Variants in PPP2R2D observed in about 807,000 individuals in gnomAD.
PPP2R2D encodes protein phosphatase 2 regulatory subunit Bdelta, also known as serine/threonine-protein phosphatase 2A 55 kDa regulatory subunit B delta isoform.
A neutral mutation model predicts 31.1 loss-of-function variants in PPP2R2D; 9 were observed. That is an observed-to-expected ratio of 0.29 (90% CI 0.17 to 0.51). PPP2R2D has a LOEUF of 0.51. Among genes scored for constraint, PPP2R2D ranks in the 20% least tolerant of loss-of-function variants. The pLI, the probability that PPP2R2D is intolerant of heterozygous loss-of-function variation, is 0.98. For synonymous variants in PPP2R2D, 179 were observed against 172.6 expected (o/e 1.04, Z -0.29); for missense variants, 391 against 465.6 (o/e 0.84, Z 1.48).
At chr10:131,928,579 G>T (rs978584841) in intron 2 of PPP2R2D, among the ~76,000 whole-genome samples, 1 of 152,186 alleles carries the variant, frequency 6.6e-6, no homozygotes, top group Non-Finnish European at 1.5e-5. Flanking sequence ...GCTTCCTCCC[G>T]CTGCTTTCTG....
At chr10:131,951,678 G>A (rs376738878) in intron 8 of PPP2R2D, among the ~76,000 whole-genome samples, 4 of 152,190 alleles carry the variant, frequency 2.6e-5, no homozygotes, top group East Asian at 1.9e-4. Context: ...AAAATTAGCC[G>A]GACATGGTGG....
intron 3 of PPP2R2D, chr10:131,934,958 G>A (rs1554896265): frequency 2.2e-6 from 1 of 456,228 alleles, no homozygotes; most frequent in Non-Finnish European, 4.4e-6. Context: ...AGCACTTCCT[G>A]CAGAGAAGTC....
chr10:131,915,877 G>A (rs115845597), intron 2 of PPP2R2D, among the ~76,000 whole-genome samples: 360 of 152,254 alleles, frequency 2.4e-3, no homozygotes, highest in African/African-American at 8.0e-3. Context: ...ATAGAGCCCC[G>A]GTTAAGTTCA....
At chr10:131,928,561 T>G (rs959990570) in intron 2 of PPP2R2D, among the ~76,000 whole-genome samples, 2 of 152,208 alleles carry the variant, frequency 1.3e-5, no homozygotes, top group African/African-American at 4.8e-5. Flanking sequence ...TCTTTATGCT[T>G]TTCAAGAGCT....
At chr10:131,965,079 C>A in the PPP2R2D span, among the ~76,000 whole-genome samples, 1 of 152,084 alleles carries the variant, frequency 6.6e-6, no homozygotes, top group Non-Finnish European at 1.5e-5. Flanking sequence ...GTATTTTGTC[C>A]TCCCATTTGC....
At chr10:131,921,304 A>C (rs370731573) in intron 2 of PPP2R2D, among the ~76,000 whole-genome samples, 6 of 152,182 alleles carry the variant, frequency 3.9e-5, no homozygotes. Context: ...TCCCAGCCTC[A>C]CTTTGCAGGT....
At chr10:131,965,232 C>T in the PPP2R2D span, among the ~76,000 whole-genome samples, 57 of 152,250 alleles carry the variant, frequency 3.7e-4, no homozygotes, top group Middle Eastern at 0.01. Context: ...GACCAGGCCT[C>T]TCTACTGAGC....
intron 2 of PPP2R2D, among the ~76,000 whole-genome samples, chr10:131,914,716 AC>A (rs2035746837): frequency 6.6e-6 from 1 of 152,184 alleles, no homozygotes; most frequent in South Asian, 2.1e-4. Context: ...AAGAACGGTG[AC>A]CCCAGGCGAA....
chr10:131,941,818 T>A (rs928920045), intron 5 of PPP2R2D, among the ~76,000 whole-genome samples: 1 of 152,006 alleles, frequency 6.6e-6, no homozygotes, highest in Non-Finnish European at 1.5e-5. Flanking sequence ...TCAGGAGGAG[T>A]GTCCTCAGAC....
chr10:131,925,954 T>G lies in PPP2R2D; in HGVS notation c.101-8504T>G, dbSNP rs971699258. Among the ~76,000 whole-genome samples the G allele has an allele frequency of 9.2e-5, 14 of 152,222 alleles. 1 individual carries two copies. On this transcript the variant is annotated intron_variant, in intron 2 of 8. Coordinates refer to ENST00000455566, the MANE Select transcript of PPP2R2D (RefSeq NM_018461.5). Reference sequence around the variant, plus strand: ...TCAGCGCACACACAGGCCCTTAGTCTGAGCCACTCCATGTTGATTTATTTC... The same window carrying G: ...TCAGCGCACACACAGGCCCTTAGTCGGAGCCACTCCATGTTGATTTATTTC...
rs141667196 is a variant in PPP2R2D, at chr10:131,923,211, G to A, written c.101-11247G>A. 8.5e-5 allele frequency among the ~76,000 whole-genome samples: 13 copies of A among 152,254 alleles called. No individual in the cohort carries two copies. In the East Asian group the frequency reaches 1.5e-3, roughly 18 times the overall value. On this transcript the variant is annotated intron_variant, in intron 2 of 8. Coordinates refer to ENST00000455566, the MANE Select transcript of PPP2R2D (RefSeq NM_018461.5). ...TGTTTCTGTGGATTTGCCTGTTCAC[G>A]TGTCATGTAAATGGAGTCATGGCCC...
chr10:131,908,460 T>C (rs1249480947), intron 2 of PPP2R2D, among the ~76,000 whole-genome samples: 1 of 152,220 alleles, frequency 6.6e-6, no homozygotes, highest in Non-Finnish European at 1.5e-5. Flanking sequence ...AGCAATTGGC[T>C]GTGTCCTGCT....
downstream of PPP2R2D, among the ~76,000 whole-genome samples, chr10:131,963,166 A>G (rs1259399967): frequency 6.6e-6 from 1 of 152,224 alleles, no homozygotes; most frequent in East Asian, 1.9e-4. Context: ...CTCCATCTCA[A>G]AAAAAGGTTG....
At chr10:131,942,387 G>A (rs1554897359) in intron 5 of PPP2R2D, among the ~76,000 whole-genome samples, 1 of 152,202 alleles carries the variant, frequency 6.6e-6, no homozygotes, top group African/African-American at 2.4e-5. Flanking sequence ...TTGGTGCATG[G>A]GGAAGAGACC....
At chr10:131,917,452 G>A (rs2035829346) in intron 2 of PPP2R2D, among the ~76,000 whole-genome samples, 1 of 135,128 alleles carries the variant, frequency 7.4e-6, no homozygotes, top group Non-Finnish European at 1.6e-5. Context: ...GACAGTGTTT[G>A]TAGGGACCTC....
intron 2 of PPP2R2D, among the ~76,000 whole-genome samples, chr10:131,909,945 T>C (rs1361322474): frequency 3.9e-5 from 6 of 152,372 alleles, no homozygotes; most frequent in Admixed American, 1.3e-4. Flanking sequence ...TTTACACTTT[T>C]GCACATCCTT....
chr10:131,927,117 T>G (rs1251968922), intron 2 of PPP2R2D, among the ~76,000 whole-genome samples: 3 of 152,154 alleles, frequency 2.0e-5, no homozygotes, highest in Admixed American at 2.0e-4. Context: ...CTGTTCTCTT[T>G]TGGGTTCTTC....
At position 131,956,565 on chromosome 10, in the gene PPP2R2D, T is replaced by C. The variant is rs984699327; in HGVS notation, c.*602T>C. ...TTAAATCCAAACAGAAGTATTGTCT[T>C]TTTATTTAATTTTATTGCATAGAAT... On this transcript the variant is annotated 3_prime_UTR_variant, in exon 9 of 9. Transcript: ENST00000455566. 1 of 983,804 alleles carries C rather than the reference T, an allele frequency of 1.0e-6. No homozygotes were observed. The highest frequency in any genetic ancestry group is 4.7e-5 in the South Asian group (1 of 21,264). 60.9% of individuals were successfully genotyped at this position (983,804 alleles called of 1,614,324 possible).
intron 2 of PPP2R2D, among the ~76,000 whole-genome samples, chr10:131,924,738 C>G (rs906003341): frequency 5.4e-5 from 8 of 148,796 alleles, no homozygotes; most frequent in Admixed American, 5.3e-4. Flanking sequence ...GGGTTAATAC[C>G]TTGACTATTG....
Sources: gnomAD v4.1 joint callset for allele counts (sites outside exome capture counted in the v4.1 genomes callset) on GRCh38, gnomAD v4.1.1 for gene constraint, MANE v1.5 for transcripts, NCBI Gene and HGNC (gene_info 2026-07-23, HGNC 2026-07-21) for gene names.